GALNT13: variants seen among roughly 807,000 people sequenced by gnomAD.
GALNT13 encodes UDP-GalNAc:polypeptide N-acetylgalactosaminyltransferase 13.
A neutral mutation model predicts 64.2 loss-of-function variants in GALNT13; 28 were observed. The ratio of observed to expected loss-of-function variants is 0.44; its 90% CI spans 0.32 to 0.60. GALNT13 has a LOEUF of 0.60. GALNT13 is among the 20% of genes least tolerant of loss of function. The pLI, the probability that GALNT13 is intolerant of heterozygous loss-of-function variation, is 0.05. For missense variants in GALNT13, 577 were observed against 669.8 expected, an observed-to-expected ratio of 0.86 and a Z score of 1.53; for synonymous variants, 214 against 224.6, an observed-to-expected ratio of 0.95 and a Z score of 0.42.
chr2:153,957,347 G>A (rs868852923), intron 3 of GALNT13, among the ~76,000 whole-genome samples: 28 of 152,306 alleles, frequency 1.8e-4, no homozygotes, highest in Middle Eastern at 3.4e-3. Context: ...AGACCCTGGA[G>A]ACCCCGAACT....
At chr2:153,544,005 G>T in the GALNT13 span, among the ~76,000 whole-genome samples, 1 of 152,086 alleles carries the variant, frequency 6.6e-6, no homozygotes, top group Admixed American at 6.6e-5. Flanking sequence ...ATTCCAACTG[G>T]GAGCACACGT....
downstream of GALNT13, among the ~76,000 whole-genome samples, chr2:154,454,797 C>T (rs707087): frequency 1.3e-5 from 2 of 151,960 alleles, no homozygotes; most frequent in African/African-American, 4.8e-5. Flanking sequence ...ACAGGAACAT[C>T]CAAGCATCAT....
the GALNT13 span, among the ~76,000 whole-genome samples, chr2:153,544,929 T>G: frequency 6.6e-6 from 1 of 152,188 alleles, no homozygotes; most frequent in Non-Finnish European, 1.5e-5. Flanking sequence ...AGGGATATCC[T>G]CTTCCAACAG....
chr2:153,668,458 A>T, the GALNT13 span, among the ~76,000 whole-genome samples: 1 of 152,214 alleles, frequency 6.6e-6, no homozygotes, highest in African/African-American at 2.4e-5. Flanking sequence ...AAGATATCTC[A>T]ACATGAGAGG....
chr2:153,437,463 G>T, the GALNT13 span, among the ~76,000 whole-genome samples: 14 of 152,242 alleles, frequency 9.2e-5, no homozygotes, highest in African/African-American at 3.1e-4. Flanking sequence ...GGGAGTCTAA[G>T]TCTCTTTGTA....
chr2:153,346,669 T>C, the GALNT13 span, among the ~76,000 whole-genome samples: 3 of 152,224 alleles, frequency 2.0e-5, no homozygotes, highest in African/African-American at 7.2e-5. Flanking sequence ...ATACACTAAA[T>C]TACAAGTTTC....
intron 12 of GALNT13, among the ~76,000 whole-genome samples, chr2:154,442,498 C>G (rs953938682): frequency 6.6e-6 from 1 of 151,994 alleles, no homozygotes; most frequent in Non-Finnish European, 1.5e-5. Context: ...TTGTGGGGTA[C>G]CTACGTGGTC....
chr2:153,831,870 T>C, the GALNT13 span, among the ~76,000 whole-genome samples: 1 of 152,198 alleles, frequency 6.6e-6, no homozygotes, highest in African/African-American at 2.4e-5. Flanking sequence ...CAGAAATTTA[T>C]AGTTCTTGTT....
upstream of GALNT13, among the ~76,000 whole-genome samples, chr2:153,871,318 G>A (rs1384620739): frequency 6.6e-6 from 1 of 152,128 alleles, no homozygotes; most frequent in African/African-American, 2.4e-5. Flanking sequence ...TGCGTTCGGT[G>A]GCAGTAGTCA....
chr2:154,304,821 G>C (rs1693641920), intron 9 of GALNT13, among the ~76,000 whole-genome samples: 1 of 152,176 alleles, frequency 6.6e-6, no homozygotes, highest in African/African-American at 2.4e-5. Flanking sequence ...AGTAGTTTGG[G>C]AGGCAGAACA....
chr2:154,045,529 A>ATTTCTTTC, intron 3 of GALNT13, among the ~76,000 whole-genome samples: 1 of 152,034 alleles, frequency 6.6e-6, no homozygotes, highest in Admixed American at 6.6e-5. Flanking sequence ...TCATCTTTCC[A>ATTTCTTTC]TTTCTTTCTT....
chr2:153,137,919 C>T, the GALNT13 span, among the ~76,000 whole-genome samples: 1 of 151,960 alleles, frequency 6.6e-6, no homozygotes, highest in Non-Finnish European at 1.5e-5. Flanking sequence ...GAAACTGCCT[C>T]TTCAACCAAA....
At chr2:153,822,474 TAAAG>T in the GALNT13 span, among the ~76,000 whole-genome samples, 1 of 152,000 alleles carries the variant, frequency 6.6e-6, no homozygotes, top group African/African-American at 2.4e-5. Context: ...GAATTAAAAA[TAAAG>T]GCCATATGAT....
the GALNT13 span, among the ~76,000 whole-genome samples, chr2:153,373,908 C>T: frequency 6.6e-6 from 1 of 152,196 alleles, no homozygotes; most frequent in South Asian, 2.1e-4. Flanking sequence ...AACGTTATGT[C>T]AAGTTTCATG....
intron 3 of GALNT13, among the ~76,000 whole-genome samples, chr2:153,963,727 CTCTCTG>C (rs1385377150): frequency 7.8e-4 from 75 of 96,724 alleles, no homozygotes; most frequent in South Asian, 5.3e-3. Context: ...CTCTCTCTCT[CTCTCTG>C]TGTGTGTGTG....
intron 6 of GALNT13, among the ~76,000 whole-genome samples, chr2:154,245,476 T>C (rs902521309): frequency 9.2e-5 from 14 of 152,174 alleles, no homozygotes; most frequent in African/African-American, 3.4e-4. Context: ...CAATGGATTA[T>C]AGCTAAAATG....
At chr2:154,302,270 A>G (rs1693485078) in intron 9 of GALNT13, among the ~76,000 whole-genome samples, 1 of 152,130 alleles carries the variant, frequency 6.6e-6, no homozygotes, top group Non-Finnish European at 1.5e-5. Flanking sequence ...GATTTCTGCA[A>G]TAGCTACATT....
the GALNT13 span, among the ~76,000 whole-genome samples, chr2:153,458,681 C>A: frequency 1.3e-5 from 2 of 152,078 alleles, no homozygotes. Flanking sequence ...TTGTTGTATT[C>A]CCTAAGCCTA....
intron 9 of GALNT13, among the ~76,000 whole-genome samples, chr2:154,317,044 C>A (rs148093312): frequency 0.01 from 1,578 of 152,148 alleles, 13 homozygotes; most frequent in Non-Finnish European, 0.017. Flanking sequence ...GAAACCCCGA[C>A]TCTACTAAAA....
Sources: allele counts gnomAD v4.1 joint callset (sites outside exome capture counted in the v4.1 genomes callset), GRCh38; gene constraint gnomAD v4.1.1; transcripts MANE v1.5; gene names NCBI Gene and HGNC (gene_info 2026-07-23, HGNC 2026-07-21).